CACNA1A: variants seen among roughly 807,000 people sequenced by gnomAD.
The protein encoded by CACNA1A is calcium voltage-gated channel subunit alpha1 A.
In CACNA1A, 57 loss-of-function variants were observed where a neutral mutation model predicts 262.4. The observed-to-expected ratio is 0.22, with a 90% CI of 0.18 to 0.27. The LOEUF (loss-of-function observed/expected upper bound fraction) is 0.27, where lower values mean the gene tolerates loss of function less well. Among genes scored for constraint, CACNA1A ranks in the 10% least tolerant of loss-of-function variants. CACNA1A has a pLI of 1.00. For missense variants in CACNA1A, 2,526 were observed against 3,562.8 expected (o/e 0.71, Z 7.41); for synonymous variants, 1,431 against 1,419.3 (o/e 1.01, Z -0.18).
chr19:13,286,484 T>A lies in CACNA1A; in HGVS notation c.3553+19A>T, dbSNP rs1176324764. 4 of 1,212,760 alleles carry A rather than the reference T, an allele frequency of 3.3e-6. No individual in the cohort carries two copies. The South Asian group carries it at 4.9e-5, about 15-fold the overall frequency. 75.1% of individuals were successfully genotyped at this position (1,212,760 alleles called of 1,614,324 possible). ...ACGCCAGGTCCCCTGCCCAGTGATG[T>A]GAGAGCAGAGGGTCTCACCTTGTAC... is the stretch of plus-strand genomic sequence containing the variant. On this transcript the variant is annotated intron_variant, in intron 20 of 46. Transcript: ENST00000360228.
At chr19:13,432,783 T>G (rs1324745338) in intron 3 of CACNA1A, among the ~76,000 whole-genome samples, 1 of 151,958 alleles carries the variant, frequency 6.6e-6, no homozygotes, top group African/African-American at 2.4e-5. Context: ...TTAATTGGCT[T>G]GATTTAATCA....
At position 13,241,415 on chromosome 19, in the gene CACNA1A, G is replaced by C; in HGVS notation, c.4950+3767C>G. 1.3e-6 allele frequency: 1 copy of C among 766,908 alleles called. No individual in the cohort carries two copies. The highest frequency in any genetic ancestry group is 2.3e-6 in the Non-Finnish European group (1 of 443,380). 47.5% of individuals were successfully genotyped at this position (766,908 alleles called of 1,614,324 possible). On this transcript the variant is annotated intron_variant, in intron 31 of 46. Transcript: ENST00000360228. This position sits in a 1 kb window ranked among gnomAD's most constrained non-coding sequence, Gnocchi z 4.0. ...GAGCGGAGGGTTGAGGAGAGCGTCA[G>C]GCATCCCACGTTGGAGAGGCAGGGT...
chr19:13,473,567 C>G (rs1031753785), intron 1 of CACNA1A, among the ~76,000 whole-genome samples: 1 of 152,176 alleles, frequency 6.6e-6, no homozygotes, highest in African/African-American at 2.4e-5. Context: ...AAACACAGGA[C>G]CCTGCTGGTT....
chr19:13,283,247 G>T lies in CACNA1A; in HGVS notation c.3822+20C>A, dbSNP rs1056191725. The T allele has an allele frequency of 1.2e-6, 2 of 1,612,060 alleles. No homozygotes were observed. ...GGCAGAGCAGCCAGGCTAGGAAGGGGTGTGCTCTGTGGGACTCACGTTGTT... is the reference window on the plus strand; with the variant it reads ...GGCAGAGCAGCCAGGCTAGGAAGGGTTGTGCTCTGTGGGACTCACGTTGTT... On this transcript the variant is annotated intron_variant, in intron 22 of 46. Coordinates refer to ENST00000360228, the MANE Select transcript of CACNA1A (RefSeq NM_001127222.2).
intron 5 of CACNA1A, chr19:13,364,009 G>T (rs916433162): frequency 1.3e-5 from 2 of 152,168 alleles, no homozygotes; most frequent in Non-Finnish European, 2.9e-5. Context: ...TGTGGATCGT[G>T]GTGGACACAC....
At chr19:13,317,465 C>T in intron 10 of CACNA1A, 144 bp from the exon 11 acceptor site, 1 of 637,372 alleles carries the variant, frequency 1.6e-6, no homozygotes, top group Non-Finnish European at 2.7e-6. Context: ...CATCATGACC[C>T]ATGGGCTTAG....
chr19:13,452,884 C>T lies in CACNA1A; in HGVS notation c.531G>A (p.Val177=), dbSNP rs1294737592. The T allele has an allele frequency of 2.5e-6, 4 of 1,613,694 alleles. No homozygotes were observed. Among genetic ancestry groups the T allele is most frequent in the Non-Finnish European group, 3.4e-6 (4 of 1,179,766 alleles). Residue 177 remains valine (V), a synonymous_variant, in exon 3 of 47, where the codon GTG becomes GTA. Coordinates refer to ENST00000360228, the MANE Select transcript of CACNA1A (RefSeq NM_001127222.2). ...NGWNVMDFVV[V]LTGILATVGT... Reference sequence around the variant, plus strand: ...TAGCACGCGCCACTTACCCCGTTAGCACCACCACAAAGTCCATGACATTCC... The same window carrying T: ...TAGCACGCGCCACTTACCCCGTTAGTACCACCACAAAGTCCATGACATTCC...
At chr19:13,373,975 A>G (rs1050471551) in intron 3 of CACNA1A, among the ~76,000 whole-genome samples, 1 of 152,222 alleles carries the variant, frequency 6.6e-6, no homozygotes, top group Non-Finnish European at 1.5e-5. Context: ...TTTGAGGGGC[A>G]CACAGCAGGT....
At chr19:13,393,809 CCTCTCTCTCTCTCT>C (rs150142387) in intron 3 of CACNA1A, among the ~76,000 whole-genome samples, 1 of 102,552 alleles carries the variant, frequency 9.8e-6, no homozygotes, top group African/African-American at 3.5e-5. Flanking sequence ...CTCCCTCCTT[CCTCTCTCTCTCTCT>C]CTCTCTCTCT....
intron 1 of CACNA1A, among the ~76,000 whole-genome samples, chr19:13,488,615 G>A (rs557563740): frequency 6.6e-6 from 1 of 151,780 alleles, no homozygotes; most frequent in East Asian, 2.0e-4. Context: ...GGCCAGGCTG[G>A]TCTCAAACTT....
chr19:13,214,817 G>T lies in CACNA1A; in HGVS notation c.5732-209C>A. The T allele has an allele frequency of 8.6e-6, 5 of 582,618 alleles. 1 individual carries two copies. Among genetic ancestry groups the T allele is most frequent in the Non-Finnish European group, 1.2e-5 (4 of 326,856 alleles). The allele number at this position is 582,618 out of a possible 1,614,324, so 36.1% of individuals were successfully genotyped here. A position where few individuals can be genotyped will look rare whatever the true frequency, so the allele number is the denominator to read the frequency against. ...GGGCTCTGGTTTTCGGTGGGGCCAG[G>T]ACCATGGAGCAGCTGTGCAGGAGAC... is the stretch of plus-strand genomic sequence containing the variant. On this transcript the variant is annotated intron_variant, in intron 38 of 46. Transcript: ENST00000360228. The surrounding 1 kb of genome is among the most constrained non-coding windows in gnomAD (Gnocchi z 4.1).
chr19:13,227,277 A>T, intron 37 of CACNA1A, 154 bp downstream of exon 37: 1 of 433,788 alleles, frequency 2.3e-6, no homozygotes, highest in Non-Finnish European at 4.3e-6. Flanking sequence ...AGTTGACTCG[A>T]GAAAAGAAAA....
rs59977753 is a variant in CACNA1A, at chr19:13,446,250, G to GAA, written c.539+6624_539+6625dup. Among the ~76,000 whole-genome samples, 59 of 90,198 alleles carry GAA rather than the reference G, an allele frequency of 6.5e-4. 1 individual carries two copies. The highest frequency in any genetic ancestry group is 1.1e-3 in the East Asian group (4 of 3,630). 59.2% of individuals were successfully genotyped at this position (90,198 alleles called of 152,430 possible). On this transcript the variant is annotated intron_variant, in intron 3 of 46. Transcript: ENST00000360228. ...AAATCCCACCACTGCACTCTGTCCC[G>GAA]AAAAAAAAAAAAAAAAAAAGGAAAG...
chr19:13,296,802 C>T (rs1046470927), intron 19 of CACNA1A, among the ~76,000 whole-genome samples: 2 of 152,144 alleles, frequency 1.3e-5, no homozygotes, highest in African/African-American at 4.8e-5. Flanking sequence ...CTCTGTCGCC[C>T]AGGCTGAAGT....
chr19:13,443,403 G>A (rs565355525), intron 3 of CACNA1A, among the ~76,000 whole-genome samples: 1 of 152,210 alleles, frequency 6.6e-6, no homozygotes, highest in South Asian at 2.1e-4. Context: ...GTGCAGTGGT[G>A]TGATCATAGT....
At chr19:13,318,182 G>C (rs979882465) in intron 10 of CACNA1A, among the ~76,000 whole-genome samples, 2 of 152,128 alleles carry the variant, frequency 1.3e-5, no homozygotes, top group African/African-American at 4.8e-5. Flanking sequence ...AGCCCTTGGA[G>C]AGTCCACAGG....
At chr19:13,287,274 C>A (rs2057425358) in intron 19 of CACNA1A, among the ~76,000 whole-genome samples, 2 of 152,152 alleles carry the variant, frequency 1.3e-5, no homozygotes, top group Admixed American at 1.3e-4. Flanking sequence ...TTGCTTGAGC[C>A]TGGGAGGTTG....
chr19:13,439,678 T>C (rs2060681646), intron 3 of CACNA1A, among the ~76,000 whole-genome samples: 1 of 152,140 alleles, frequency 6.6e-6, no homozygotes, highest in East Asian at 1.9e-4. Context: ...CCCAAAGTGC[T>C]GGGATTACAG....
intron 4 of CACNA1A, among the ~76,000 whole-genome samples, chr19:13,368,931 G>A (rs1053232321): frequency 2.8e-5 from 4 of 142,608 alleles, no homozygotes; most frequent in Non-Finnish European, 5.9e-5. Flanking sequence ...CCAGCTACTC[G>A]GGAGGCTGAG....
Sources: gnomAD v4.1 joint callset for allele counts (sites outside exome capture counted in the v4.1 genomes callset) on GRCh38, gnomAD v4.1.1 for gene constraint, Gnocchi (gnomAD v3.1) non-coding constraint, MANE v1.5 for transcripts, NCBI Gene and HGNC (gene_info 2026-07-23, HGNC 2026-07-21) for gene names.